The following ZNF697 variants were observed in gnomAD, a reference collection of about 807,000 sequenced individuals.
ZNF697 encodes the protein zinc finger protein 697.
In ZNF697, 23 loss-of-function variants were observed where a neutral mutation model predicts 32.4. That is an observed-to-expected ratio of 0.71 (90% CI 0.51 to 1.01). The LOEUF is 1.01. Ranked by LOEUF, ZNF697 falls within the 50% of genes least tolerant of loss-of-function variation. The probability of loss-of-function intolerance (pLI) is 0.00; values close to 1 mark genes in which losing one functional copy is unlikely to be tolerated. For synonymous variants in ZNF697, 418 were observed against 337.2 expected (o/e 1.24, Z -2.62); for missense variants, 930 against 794.0 (o/e 1.17, Z -2.06).
chr1:119,625,833 T>A, intron 2 of ZNF697, 42 bp downstream of exon 2: 1 of 1,605,880 alleles, frequency 6.2e-7, no homozygotes. Flanking sequence ...GAAGTAAGTG[T>A]AACTTTGGCA....
In ZNF697 at chr1:119,623,726, T is replaced by G; in HGVS notation, c.617A>C (p.Gln206Pro). The G allele has an allele frequency of 6.5e-7, 1 of 1,536,778 alleles. No homozygotes were observed. The highest frequency in any genetic ancestry group is 8.7e-7 in the Non-Finnish European group (1 of 1,146,250). ...ESFSPGAAFLQHQRIHRLAEA... is the reference protein window; with the variant it reads ...ESFSPGAAFLPHQRIHRLAEA... ...AGCCAGGCGGTGAATGCGCTGGTGC[T>G]GCAGGAAGGCGGCGCCAGGACTGAA... is the stretch of plus-strand genomic sequence containing the variant. Residue 206 changes from glutamine (Q) to proline (P), a missense_variant, in exon 3 of 3, where the codon CAG (glutamine) becomes CCG (proline). By Grantham distance (76) the Gln-to-Pro change is moderately conservative. Transcript: ENST00000421812.
intron 1 of ZNF697, among the ~76,000 whole-genome samples, chr1:119,640,167 A>T (rs1030498272): frequency 6.6e-6 from 1 of 152,152 alleles, no homozygotes; most frequent in African/African-American, 2.4e-5. Flanking sequence ...CCACCTCCCA[A>T]CTGTAAGTTC....
At chr1:119,642,028 A>C (rs1392175154) in intron 1 of ZNF697, among the ~76,000 whole-genome samples, 1 of 152,246 alleles carries the variant, frequency 6.6e-6, no homozygotes, top group Non-Finnish European at 1.5e-5. Context: ...GCCAAAATCC[A>C]AAACACGACA....
chr1:119,635,814 AC>A (rs1557939886), intron 1 of ZNF697, among the ~76,000 whole-genome samples: 1 of 152,184 alleles, frequency 6.6e-6, no homozygotes, highest in East Asian at 1.9e-4. Context: ...CAAACTGAGA[AC>A]TTTTAAATTT....
In ZNF697 at chr1:119,624,040, C is replaced by A; in HGVS notation, c.303G>T (p.Ala101=). The change falls in exon 3 of 3, where the codon GCG becomes GCT. Residue 101 remains alanine, a synonymous_variant. Coordinates refer to ENST00000421812, the MANE Select transcript of ZNF697 (RefSeq NM_001080470.2). ...EDDQSGVADM[A]MFPGLSESDS... ...CAGACTCAGACAGTCCTGGGAACAT[C>A]GCCATGTCAGCTACACCGGATTGGT... The A allele has an allele frequency of 6.2e-7, 1 of 1,612,386 alleles. No individual in the cohort carries two copies. Among genetic ancestry groups the A allele is most frequent in the Non-Finnish European group, 8.5e-7 (1 of 1,179,176 alleles).
rs997191099 is a variant in ZNF697 at position 119,641,601 on chromosome 1, G to A, written c.-38+6090C>T. 3.3e-5 allele frequency among the ~76,000 whole-genome samples: 5 copies of A among 152,126 alleles called. 1 individual carries two copies. The highest frequency in any genetic ancestry group is 4.1e-4 in the South Asian group (2 of 4,832). ...TTTAACACTGATACGGTTTGGCTGCGTCCCCACCCAAATCTCATCTTGAAT... is the reference window on the plus strand; with the variant it reads ...TTTAACACTGATACGGTTTGGCTGCATCCCCACCCAAATCTCATCTTGAAT... On this transcript the variant is annotated intron_variant, in intron 1 of 2. Transcript: ENST00000421812.
intron 1 of ZNF697, among the ~76,000 whole-genome samples, chr1:119,630,945 T>G (rs1163910116): frequency 6.6e-6 from 1 of 152,110 alleles, no homozygotes; most frequent in African/African-American, 2.4e-5. Context: ...AGAGCCAGAA[T>G]TAGAATTTAA....
intron 1 of ZNF697, among the ~76,000 whole-genome samples, chr1:119,635,209 A>C (rs964123917): frequency 8.5e-5 from 13 of 152,196 alleles, no homozygotes; most frequent in Admixed American, 4.6e-4. Context: ...TTTGGCCAGA[A>C]CATAATAAAA....
intron 1 of ZNF697, among the ~76,000 whole-genome samples, chr1:119,644,538 G>A (rs766537424): frequency 9.9e-5 from 15 of 152,194 alleles, no homozygotes; most frequent in African/African-American, 2.9e-4. Flanking sequence ...GTCAGCAGAC[G>A]TAAATTCCAG....
In ZNF697 at chr1:119,623,244, G is replaced by A; in HGVS notation, c.1099C>T (p.His367Tyr). The A allele has an allele frequency of 8.3e-6, 13 of 1,561,202 alleles. No individual in the cohort carries two copies. Among genetic ancestry groups the A allele is most frequent in the Non-Finnish European group, 1.1e-5 (13 of 1,157,462 alleles). ...TGGATGCGCTGGTGGTTGGCCAGGTGCGAACGGCGCACGAAGCCCTTGCCG... is the reference window on the plus strand; with the variant it reads ...TGGATGCGCTGGTGGTTGGCCAGGTACGAACGGCGCACGAAGCCCTTGCCG... ...ECGKGFVRRS[H>Y]LANHQRIHTG... The change falls in exon 3 of 3, where the codon CAC becomes TAC. Residue 367 changes from histidine (H) to tyrosine (Y), a missense_variant. His to Tyr is a moderately conservative substitution (Grantham distance 83, BLOSUM62 2). Coordinates refer to ENST00000421812, the MANE Select transcript of ZNF697 (RefSeq NM_001080470.2).
rs1648256214 is a variant in ZNF697 at position 119,619,928 on chromosome 1, A to G, written c.*2777T>C. ...TCCACCATCATTAATGAGTTGGTGG[A>G]AAAAGTCCTCAGATTAACGTTTTCA... On this transcript the variant is annotated 3_prime_UTR_variant, in exon 3 of 3. Coordinates refer to ENST00000421812, the MANE Select transcript of ZNF697 (RefSeq NM_001080470.2). 1 of 152,656 alleles carries G rather than the reference A, an allele frequency of 6.6e-6. No homozygotes were observed. Among genetic ancestry groups the G allele is most frequent in the Admixed American group, 6.5e-5 (1 of 15,288 alleles). 9.5% of individuals were successfully genotyped at this position (152,656 alleles called of 1,614,324 possible).
chr1:119,622,404 C>CCATT lies in ZNF697; in HGVS notation c.*300_*301insAATG. 1 of 260,266 alleles carries CCATT rather than the reference C, an allele frequency of 3.8e-6. No homozygotes were observed. Among genetic ancestry groups the CCATT allele is most frequent in the Non-Finnish European group, 6.1e-6 (1 of 164,350 alleles). 16.1% of individuals were successfully genotyped at this position (260,266 alleles called of 1,614,324 possible). On this transcript the variant is annotated 3_prime_UTR_variant, in exon 3 of 3. Coordinates refer to ENST00000421812, the MANE Select transcript of ZNF697 (RefSeq NM_001080470.2). ...TGTTCCCACCCCAGCCCACGAACTGCCCTTCCTCAAAGTGCCTGGTCCTCC... is the reference window on the plus strand; with the variant it reads ...TGTTCCCACCCCAGCCCACGAACTGCCATTCCTTCCTCAAAGTGCCTGGTCCTCC...
intron 1 of ZNF697, among the ~76,000 whole-genome samples, chr1:119,638,096 G>A (rs1378329903): frequency 6.6e-6 from 1 of 152,212 alleles, no homozygotes; most frequent in Non-Finnish European, 1.5e-5. Flanking sequence ...CTCATTAAAA[G>A]GGGAGACTGC....
At chr1:119,625,684 C>T (rs1401301363) in intron 2 of ZNF697, among the ~76,000 whole-genome samples, 191 bp downstream of exon 2, 1 of 152,194 alleles carries the variant, frequency 6.6e-6, no homozygotes, top group African/African-American at 2.4e-5. Flanking sequence ...CACAGCTCAC[C>T]TCAGACTGGG....
chr1:119,628,473 T>G (rs1275659262), intron 1 of ZNF697, among the ~76,000 whole-genome samples: 1 of 152,176 alleles, frequency 6.6e-6, no homozygotes, highest in Non-Finnish European at 1.5e-5. Context: ...GTTCCCCACT[T>G]AGGGCTGACG....
intron 1 of ZNF697, among the ~76,000 whole-genome samples, chr1:119,626,694 G>C (rs143601318): frequency 1.3e-5 from 2 of 152,350 alleles, no homozygotes; most frequent in African/African-American, 4.8e-5. Context: ...AAGAATAATA[G>C]AAGCATCAAG....
In ZNF697 at chr1:119,623,686, G is replaced by GGCGGCA; in HGVS notation, c.651_656dup (p.Ala219_Ala220dup). On this transcript the variant is annotated inframe_insertion, in exon 3 of 3. Coordinates refer to ENST00000421812, the MANE Select transcript of ZNF697 (RefSeq NM_001080470.2). The stretch of plus-strand genomic sequence containing the variant: ...CCAGGCCGAAGGGCTCCAGGCTGGC[G>GGCGGCA]GCGGCAGCGGCCTCAGCCAGGCGGT... The GGCGGCA allele has an allele frequency of 6.5e-7, 1 of 1,530,090 alleles. No homozygotes were observed. The highest frequency in any genetic ancestry group is 1.4e-5 in the African/African-American group (1 of 72,382). 94.8% of individuals were successfully genotyped at this position (1,530,090 alleles called of 1,614,324 possible).
chr1:119,622,477 A>T lies in ZNF697; in HGVS notation c.*228T>A. ...TGTATTTAAGGAAGTCATCACCCCA[A>T]GCGCATCTCCTGAACAATTCTTCCG... is the stretch of plus-strand genomic sequence containing the variant. On this transcript the variant is annotated 3_prime_UTR_variant, in exon 3 of 3. Transcript: ENST00000421812. The T allele has an allele frequency of 1.3e-6, 1 of 766,330 alleles. No individual in the cohort carries two copies. Among genetic ancestry groups the T allele is most frequent in the Non-Finnish European group, 1.9e-6 (1 of 519,556 alleles). 47.5% of individuals were successfully genotyped at this position (766,330 alleles called of 1,614,324 possible).
intron 1 of ZNF697, among the ~76,000 whole-genome samples, chr1:119,627,259 C>A (rs1648617051): frequency 6.6e-6 from 1 of 152,182 alleles, no homozygotes; most frequent in Non-Finnish European, 1.5e-5. Flanking sequence ...GCTCTTCCTG[C>A]CTCTGTGGAG....
Sources: allele counts gnomAD v4.1 joint callset (sites outside exome capture counted in the v4.1 genomes callset), GRCh38; gene constraint gnomAD v4.1.1; transcripts MANE v1.5; gene names NCBI Gene and HGNC (gene_info 2026-07-23, HGNC 2026-07-21).